Variants in HOGA1 observed in about 807,000 individuals in gnomAD.
HOGA1 encodes 4-hydroxy-2-oxoglutarate aldolase, mitochondrial.
Under a neutral mutation model 34.3 loss-of-function variants are expected in HOGA1, and 30 were observed. That is an observed-to-expected ratio of 0.87 (90% CI 0.65 to 1.19). The LOEUF is 1.19. Among genes scored for constraint, HOGA1 ranks in the 50% most tolerant of loss-of-function variants. The pLI, the probability that HOGA1 is intolerant of heterozygous loss-of-function variation, is 0.00. For synonymous variants in HOGA1, 161 were observed against 174.0 expected (o/e 0.93, Z 0.59); for missense variants, 417 against 436.5 (o/e 0.96, Z 0.40).
intron 6 of HOGA1, among the ~76,000 whole-genome samples, chr10:97,606,455 G>GT (rs1179320643): frequency 1.4e-4 from 21 of 151,922 alleles, no homozygotes; most frequent in African/African-American, 3.4e-4. Context: ...AAGGTTTTGT[G>GT]TTTTTTTTCC....
chr10:97,611,337 C>A (rs1271721132), intron 6 of HOGA1, among the ~76,000 whole-genome samples, 173 bp from the exon 7 acceptor site: 1 of 152,240 alleles, frequency 6.6e-6, no homozygotes, highest in African/African-American at 2.4e-5. Flanking sequence ...CAGACCTGCT[C>A]TCTGGTCTCT....
intron 6 of HOGA1, chr10:97,602,361 G>A (rs1476454013): frequency 2.7e-5 from 33 of 1,201,024 alleles, no homozygotes; most frequent in African/African-American, 1.1e-4. Flanking sequence ...CTCTAAATCC[G>A]TGCTATCGGG....
At chr10:97,589,604 C>T (rs1367301328) in intron 1 of HOGA1, 6 of 396,968 alleles carry the variant, frequency 1.5e-5, no homozygotes, top group South Asian at 3.8e-5. Context: ...AGGGATGCTG[C>T]GGCCTCTCCC....
Position 97,584,416 on chromosome 10 carries a change from T to C in HOGA1, c.-288T>C. On this transcript the variant is annotated 5_prime_UTR_variant, in exon 1 of 7. Coordinates refer to ENST00000370646, the MANE Select transcript of HOGA1 (RefSeq NM_138413.4). Reference sequence around the variant, plus strand: ...ATCCCACTGGAGATACCGAAGGAGATACTCTTTAGTATTGGGATCCCAGAA... The same window carrying C: ...ATCCCACTGGAGATACCGAAGGAGACACTCTTTAGTATTGGGATCCCAGAA... 2 of 382,008 alleles carry C rather than the reference T, an allele frequency of 5.2e-6. No homozygotes were observed. The highest frequency in any genetic ancestry group is 9.4e-6 in the Non-Finnish European group (2 of 213,828). 23.7% of individuals were successfully genotyped at this position (382,008 alleles called of 1,614,324 possible). A position where few individuals can be genotyped will look rare whatever the true frequency, so the allele number is the denominator to read the frequency against.
chr10:97,594,606 G>A (rs1269858994), intron 1 of HOGA1, among the ~76,000 whole-genome samples: 1 of 151,798 alleles, frequency 6.6e-6, no homozygotes, highest in African/African-American at 2.4e-5. Flanking sequence ...GCCCGCCTCG[G>A]CGTCCCAAAG....
rs370990433 is a variant in HOGA1, at chr10:97,599,833, G to A, written c.603+19G>A. 4.4e-4 allele frequency: 709 copies of A among 1,614,156 alleles called. No homozygotes were observed. Among genetic ancestry groups the A allele is most frequent in the Non-Finnish European group, 5.6e-4 (659 of 1,180,036 alleles). On this transcript the variant is annotated intron_variant, in intron 4 of 6. Coordinates refer to ENST00000370646, the MANE Select transcript of HOGA1 (RefSeq NM_138413.4). ...TGGTGATGTGAGTGGCAGCAGCTCCGGGGCTGGGGTCCTCTCCTCCTTTTC... is the reference window on the plus strand; with the variant it reads ...TGGTGATGTGAGTGGCAGCAGCTCCAGGGCTGGGGTCCTCTCCTCCTTTTC...
At position 97,598,903 on chromosome 10, in the gene HOGA1, T is replaced by C. The variant is rs1275650649; in HGVS notation, c.340T>C (p.Ser114Pro). The C allele has an allele frequency of 6.2e-7, 1 of 1,613,716 alleles. No homozygotes were observed. The highest frequency in any genetic ancestry group is 8.5e-7 in the Non-Finnish European group (1 of 1,179,988). ...CCTGCTAGCTGGCTCCGGATGCGAG[T>C]GTGAGCCAGAATGCCCTGGGCCCTG... Reference protein sequence around the residue: ...RLLLAGSGCESTQATVEMTVS... With the variant: ...RLLLAGSGCEPTQATVEMTVS... Residue 114 changes from serine to proline, a missense_variant and splice_region_variant, in exon 2 of 7, where the codon TCC becomes CCC. Coordinates refer to ENST00000370646, the MANE Select transcript of HOGA1 (RefSeq NM_138413.4).
chr10:97,589,073 A>T (rs561207222), intron 1 of HOGA1, among the ~76,000 whole-genome samples: 110 of 152,186 alleles, frequency 7.2e-4, no homozygotes, highest in African/African-American at 2.6e-3. Context: ...GGTAGCAGCT[A>T]CCATCCCGGA....
chr10:97,589,624 C>A, intron 1 of HOGA1: 4 of 337,022 alleles, frequency 1.2e-5, no homozygotes, highest in Non-Finnish European at 2.3e-5. Flanking sequence ...CCACCCCACT[C>A]TCCCCACCCC....
intron 6 of HOGA1, among the ~76,000 whole-genome samples, chr10:97,610,642 A>G (rs1199967930): frequency 6.6e-6 from 1 of 152,088 alleles, no homozygotes; most frequent in African/African-American, 2.4e-5. Flanking sequence ...AAAATAAAAT[A>G]AAATAAAACG....
chr10:97,611,542 GA>G lies in HOGA1; in HGVS notation c.871del (p.Ile291SerfsTer19). 1 of 1,614,246 alleles carries G rather than the reference GA, an allele frequency of 6.2e-7. No individual in the cohort carries two copies. The highest frequency in any genetic ancestry group is 8.5e-7 in the Non-Finnish European group (1 of 1,180,040). On this transcript the variant is annotated frameshift_variant, in exon 7 of 7. Transcript: ENST00000370646. LOFTEE classifies it high-confidence loss of function. Reference sequence around the variant, plus strand: ...GGCGCTTTGGGATCCCAGGGCTGAAGAAAATCATGGACTGGTTTGGCTACTA... The same window carrying G: ...GGCGCTTTGGGATCCCAGGGCTGAAGAAATCATGGACTGGTTTGGCTACTA... ...TRRFGIPGLKKIMDWFGYYGG... is the reference protein window; with the variant it reads ...TRRFGIPGLKXIMDWFGYYGG...
At chr10:97,611,411 G>A (rs1201954698) in intron 6 of HOGA1, 99 bp from the exon 7 acceptor site, 2 of 1,380,942 alleles carry the variant, frequency 1.4e-6, no homozygotes. Flanking sequence ...TGGGGGAAGA[G>A]GGTAGGACTT....
At chr10:97,605,337 G>A (rs1055847971) in intron 6 of HOGA1, among the ~76,000 whole-genome samples, 2 of 151,794 alleles carry the variant, frequency 1.3e-5, no homozygotes, top group African/African-American at 4.8e-5. Context: ...CTTGAATCTG[G>A]GAGGTTGAGG....
intron 6 of HOGA1, among the ~76,000 whole-genome samples, chr10:97,609,080 T>C (rs949026062): frequency 6.6e-6 from 1 of 152,196 alleles, no homozygotes; most frequent in Non-Finnish European, 1.5e-5. Context: ...AAGGTGCTTC[T>C]GAGATGGGAC....
chr10:97,611,981 C>A lies in HOGA1; in HGVS notation c.*322C>A. 3.1e-6 allele frequency: 1 copy of A among 325,820 alleles called. No homozygotes were observed. The allele number at this position is 325,820 out of a possible 1,614,324, so 20.2% of individuals were successfully genotyped here. ...GGCACATGAAGTCAGAAAGGAAGGG[C>A]AGAGGGGCAAGTAGGCACAGTAAGG... On this transcript the variant is annotated 3_prime_UTR_variant, in exon 7 of 7. Transcript: ENST00000370646.
chr10:97,607,045 G>A (rs1485588053), intron 6 of HOGA1, among the ~76,000 whole-genome samples: 1 of 149,094 alleles, frequency 6.7e-6, no homozygotes, highest in Non-Finnish European at 1.5e-5. Flanking sequence ...AGAGACGGCA[G>A]TATTGCTTGA....
intron 3 of HOGA1, 63 bp downstream of exon 3, chr10:97,599,279 G>A (rs757555027): frequency 6.3e-7 from 1 of 1,592,254 alleles, no homozygotes; most frequent in South Asian, 1.1e-5. Context: ...AGGGAAGCTG[G>A]GAATAGGGTG....
chr10:97,594,607 C>T (rs1003595466), intron 1 of HOGA1, among the ~76,000 whole-genome samples: 9 of 152,144 alleles, frequency 5.9e-5, no homozygotes, highest in South Asian at 4.2e-4. Context: ...CCCGCCTCGG[C>T]GTCCCAAAGT....
At chr10:97,600,533 T>C (rs1200896994) in intron 5 of HOGA1, 1 of 356,244 alleles carries the variant, frequency 2.8e-6, no homozygotes, top group Non-Finnish European at 5.4e-6. Context: ...AGGAGTCCAT[T>C]TTCCTCTCCC....
Sources: gnomAD v4.1 joint callset for allele counts (sites outside exome capture counted in the v4.1 genomes callset) on GRCh38, gnomAD v4.1.1 for gene constraint, MANE v1.5 for transcripts, NCBI Gene and HGNC (gene_info 2026-07-23, HGNC 2026-07-21) for gene names.